The following FOXP4 variants were observed in gnomAD, a reference collection of about 807,000 sequenced individuals.
FOXP4 encodes forkhead box protein P4.
Under a neutral mutation model 82.6 loss-of-function variants are expected in FOXP4, and 25 were observed. The ratio of observed to expected loss-of-function variants is 0.30; its 90% CI spans 0.22 to 0.42. The LOEUF (loss-of-function observed/expected upper bound fraction) is 0.42, where lower values mean the gene tolerates loss of function less well. Ranked by LOEUF, FOXP4 falls within the 10% of genes least tolerant of loss-of-function variation. The probability of loss-of-function intolerance (pLI) is 1.00; values close to 1 mark genes in which losing one functional copy is unlikely to be tolerated. For synonymous variants in FOXP4, 415 were observed against 388.2 expected (o/e 1.07, Z -0.81); for missense variants, 785 against 900.9 (o/e 0.87, Z 1.65).
At chr6:41,565,103 A>G (rs573041067) in intron 1 of FOXP4, among the ~76,000 whole-genome samples, 3 of 152,296 alleles carry the variant, frequency 2.0e-5, no homozygotes, top group East Asian at 3.9e-4. Context: ...CTATAATCGC[A>G]GCATTTTGGG....
At position 41,565,821 on chromosome 6, in the gene FOXP4, G is replaced by C; in HGVS notation, c.61G>C (p.Gly21Arg). 1 of 1,613,828 alleles carries C rather than the reference G, an allele frequency of 6.2e-7. No homozygotes were observed. ...RSAPSGQNGV[G>R]SLSGQADGSS... ...GGCTCCATCTGGTCAGAATGGCGTG[G>C]GCAGCCTCTCTGGGCAAGCCGATGG... is the stretch of plus-strand genomic sequence containing the variant. Residue 21 changes from glycine (G) to arginine (R), a missense_variant, in exon 2 of 17, where the codon GGC becomes CGC. By Grantham distance (125) the Gly-to-Arg change is moderately radical (BLOSUM62 -2). Around this residue, in one of 3 missense-constraint regions of FOXP4, gnomAD observed 570 missense variants for 634.0 expected, o/e 0.90. Coordinates refer to ENST00000307972, the MANE Select transcript of FOXP4 (RefSeq NM_001012426.2).
At position 41,591,469 on chromosome 6, in the gene FOXP4, C is replaced by A; in HGVS notation, c.1536+147C>A. The A allele has an allele frequency of 1.5e-6, 1 of 678,986 alleles. No homozygotes were observed. Among genetic ancestry groups the A allele is most frequent in the Non-Finnish European group, 2.6e-6 (1 of 384,110 alleles). The allele number at this position is 678,986 out of a possible 1,614,324, so 42.1% of individuals were successfully genotyped here. ...CAAGGGCCCAGCCAGGGCTGCATGC[C>A]CACGCCCACCTCAGCAGGGGCTGTG... On this transcript the variant is annotated intron_variant, in intron 13 of 16. Coordinates refer to ENST00000307972, the MANE Select transcript of FOXP4 (RefSeq NM_001012426.2). This position sits in a 1 kb window ranked among gnomAD's most constrained non-coding sequence, Gnocchi z 4.2.
intron 14 of FOXP4, among the ~76,000 whole-genome samples, chr6:41,595,753 C>T (rs889141024): frequency 2.0e-5 from 3 of 152,098 alleles, no homozygotes; most frequent in African/African-American, 2.4e-5. Context: ...CAGGTGCCCA[C>T]GACCACGCCC....
chr6:41,597,362 C>A, intron 15 of FOXP4, 120 bp downstream of exon 15: 1 of 1,056,658 alleles, frequency 9.5e-7, no homozygotes, highest in Non-Finnish European at 1.4e-6. Flanking sequence ...GGTGAAGACC[C>A]AAACTCTCCG....
rs1401268758 is a variant in FOXP4 at position 41,597,934 on chromosome 6, T to A, written c.1879T>A (p.Ser627Thr). The A allele has an allele frequency of 6.5e-7, 1 of 1,550,184 alleles. No homozygotes were observed. The highest frequency in any genetic ancestry group is 8.7e-7 in the Non-Finnish European group (1 of 1,155,142). ...SNGSSSPPRL[S>T]PPQYSHQVQV... is the part of the protein sequence containing the mutation. ...CGGCAGCAGCAGCCCTCCTCGCCTC[T>A]CCCCGCCCCAGTACAGGTGAGCACA... The change falls in exon 16 of 17, where the codon TCC becomes ACC. Residue 627 changes from serine to threonine, a missense_variant. Physicochemically the swap from Ser to Thr is moderately conservative, Grantham distance 58. Around this residue, in one of 3 missense-constraint regions of FOXP4, gnomAD observed 184 missense variants for 187.3 expected, o/e 0.98. Transcript: ENST00000307972.
chr6:41,594,673 C>A (rs191693224), intron 13 of FOXP4, among the ~76,000 whole-genome samples, 197 bp from the exon 14 acceptor site: 1 of 152,114 alleles, frequency 6.6e-6, no homozygotes, highest in Admixed American at 6.5e-5. Flanking sequence ...AGGCTGGGAA[C>A]CCCTGGCTCT....
chr6:41,584,567 T>C (rs1377655560), intron 3 of FOXP4, among the ~76,000 whole-genome samples: 1 of 152,212 alleles, frequency 6.6e-6, no homozygotes, highest in East Asian at 1.9e-4. Context: ...ATCACTGTTT[T>C]CGTTTTAGAG....
intron 1 of FOXP4, among the ~76,000 whole-genome samples, chr6:41,557,920 T>C (rs1764366249): frequency 1.3e-5 from 2 of 152,204 alleles, no homozygotes; most frequent in African/African-American, 4.8e-5. Flanking sequence ...TCGAAGGCTT[T>C]GGTGGAGCCT....
intron 1 of FOXP4, among the ~76,000 whole-genome samples, chr6:41,547,817 G>A (rs915929393): frequency 6.9e-6 from 1 of 145,836 alleles, no homozygotes; most frequent in African/African-American, 2.7e-5. Context: ...TATCTCCCCT[G>A]GACAACCCCA....
intron 1 of FOXP4, among the ~76,000 whole-genome samples, chr6:41,563,542 G>C (rs1214368117): frequency 2.0e-5 from 3 of 152,160 alleles, no homozygotes; most frequent in Admixed American, 6.5e-5. Context: ...AAAGAAACTG[G>C]CTGGCTTCCA....
chr6:41,567,282 G>A (rs914427967), intron 2 of FOXP4, among the ~76,000 whole-genome samples: 8 of 152,264 alleles, frequency 5.3e-5, no homozygotes, highest in African/African-American at 1.9e-4. Context: ...ATTTGTTGAT[G>A]TGGATGTGAG....
At chr6:41,575,031 C>A (rs1188815427) in intron 2 of FOXP4, among the ~76,000 whole-genome samples, 1 of 152,088 alleles carries the variant, frequency 6.6e-6, no homozygotes, top group African/African-American at 2.4e-5. Flanking sequence ...TGCAGTGGTG[C>A]CACCTCGGCT....
At chr6:41,596,541 C>G (rs1334775253) in intron 14 of FOXP4, among the ~76,000 whole-genome samples, 1 of 151,970 alleles carries the variant, frequency 6.6e-6, no homozygotes, top group African/African-American at 2.4e-5. Flanking sequence ...ACCTCTGCTT[C>G]TCACCAGTTT....
chr6:41,597,067 G>A (rs1766884256), intron 14 of FOXP4, 109 bp from the exon 15 acceptor site: 2 of 1,177,068 alleles, frequency 1.7e-6, no homozygotes, highest in Admixed American at 1.7e-5. Flanking sequence ...TCCCGGAATA[G>A]GGAATGGGAC....
At chr6:41,561,221 G>A (rs1055257728) in intron 1 of FOXP4, among the ~76,000 whole-genome samples, 1 of 152,210 alleles carries the variant, frequency 6.6e-6, no homozygotes, top group Admixed American at 6.5e-5. Context: ...CTCCCCCACG[G>A]GGAATGCTGA....
intron 1 of FOXP4, among the ~76,000 whole-genome samples, chr6:41,549,758 T>A (rs974343557): frequency 6.8e-6 from 1 of 147,512 alleles, no homozygotes; most frequent in African/African-American, 2.5e-5. Context: ...GGGAGAAGAA[T>A]GGGAACAGGG....
chr6:41,597,843 C>A lies in FOXP4; in HGVS notation c.1788C>A (p.Ser596=). Residue 596 remains serine (S), a synonymous_variant, in exon 16 of 17, where the codon TCC becomes TCA. Coordinates refer to ENST00000307972, the MANE Select transcript of FOXP4 (RefSeq NM_001012426.2). ...GCCCTGGCATGCTGAACCCTGGCTC[C>A]GCCAGCAGCCTGCTGCCCCTCAGCC... ...LNSPGMLNPG[S]ASSLLPLSHD... 1 of 1,603,544 alleles carries A rather than the reference C, an allele frequency of 6.2e-7. No homozygotes were observed.
In FOXP4 at chr6:41,598,844, G is replaced by A. The variant is rs747762632; in HGVS notation, c.1951G>A (p.Gly651Arg). ...PAEAEEDRQP[G>R]PPLGAPNPSA... ...AGAGGCAGAGGAAGACAGGCAGCCCGGGCCTCCCCTGGGCGCCCCTAACCC... is the reference window on the plus strand; with the variant it reads ...AGAGGCAGAGGAAGACAGGCAGCCCAGGCCTCCCCTGGGCGCCCCTAACCC... Residue 651 changes from glycine to arginine, a missense_variant, in exon 17 of 17, where the codon GGG becomes AGG. Physicochemically the swap from Gly to Arg is moderately radical, Grantham distance 125. Around this residue, in one of 3 missense-constraint regions of FOXP4, gnomAD observed 184 missense variants for 187.3 expected, o/e 0.98. Transcript: ENST00000307972. The A allele has an allele frequency of 2.0e-5, 32 of 1,584,458 alleles. No individual in the cohort carries two copies. The highest frequency in any genetic ancestry group is 1.0e-4 in the South Asian group (9 of 86,522).
At chr6:41,549,154 G>GCTA (rs1299317884) in intron 1 of FOXP4, among the ~76,000 whole-genome samples, 1 of 152,182 alleles carries the variant, frequency 6.6e-6, no homozygotes, top group East Asian at 1.9e-4. Flanking sequence ...CTCCAGCCTT[G>GCTA]CTACTAAGTT....
Sources: gnomAD v4.1 joint callset for allele counts (sites outside exome capture counted in the v4.1 genomes callset) on GRCh38, gnomAD v4.1.1 for gene constraint, gnomAD v4.1.1 regional missense constraint, Gnocchi (gnomAD v3.1) non-coding constraint, MANE v1.5 for transcripts, NCBI Gene and HGNC (gene_info 2026-07-23, HGNC 2026-07-21) for gene names.